Variants in NINJ2 observed in about 807,000 individuals in gnomAD.
NINJ2 encodes the protein ninjurin 2, also known as ninjurin-2.
NINJ2 carries 12 observed loss-of-function variants against 11.7 expected under a neutral mutation model. That is an observed-to-expected ratio of 1.02 (90% CI 0.66 to 1.66). The LOEUF (loss-of-function observed/expected upper bound fraction) is 1.66, where lower values mean the gene tolerates loss of function less well. NINJ2 is among the 40% of genes most tolerant of loss of function. The pLI is 0.00. For missense variants in NINJ2, 187 were observed against 181.8 expected, an observed-to-expected ratio of 1.03 and a Z score of -0.16; for synonymous variants, 93 against 76.8, an observed-to-expected ratio of 1.21 and a Z score of -1.10.
intron 1 of NINJ2, among the ~76,000 whole-genome samples, chr12:588,256 C>T (rs532597854): frequency 4.7e-5 from 7 of 150,096 alleles, no homozygotes; most frequent in Non-Finnish European, 7.4e-5. Flanking sequence ...GAGGAGGAGA[C>T]ATCTTGCAAA....
At chr12:608,562 A>G (rs1009471206) in intron 1 of NINJ2, among the ~76,000 whole-genome samples, 2 of 152,186 alleles carry the variant, frequency 1.3e-5, no homozygotes, top group Non-Finnish European at 2.9e-5. Context: ...TGGGAGTCAA[A>G]CCCAGGCAAT....
intron 1 of NINJ2, among the ~76,000 whole-genome samples, chr12:656,936 C>A (rs1240836272): frequency 6.6e-6 from 1 of 152,018 alleles, no homozygotes; most frequent in Admixed American, 6.6e-5. Flanking sequence ...CCAGAATAAC[C>A]GGGCATCCAC....
chr12:565,931 T>A lies in NINJ2; in HGVS notation c.262+19A>T, dbSNP rs770677125. 3 of 1,610,008 alleles carry A rather than the reference T, an allele frequency of 1.9e-6. No individual in the cohort carries two copies. The Admixed American group carries it at 5.0e-5, about 27-fold the overall frequency. ...CGGGTGCCGAGGCAGAAGGTCTGAC[T>A]GCAGGCTGGGCTCCTCACCAATGAC... is the stretch of plus-strand genomic sequence containing the variant. On this transcript the variant is annotated intron_variant, in intron 2 of 3. Transcript: ENST00000305108.
intron 1 of NINJ2, among the ~76,000 whole-genome samples, chr12:657,557 C>G (rs894487195): frequency 6.6e-6 from 1 of 152,052 alleles, no homozygotes; most frequent in Non-Finnish European, 1.5e-5. Flanking sequence ...CCACTGCACT[C>G]CAGCCTGGAA....
chr12:612,770 C>T (rs1948049130), intron 1 of NINJ2, among the ~76,000 whole-genome samples: 1 of 152,208 alleles, frequency 6.6e-6, no homozygotes, highest in Non-Finnish European at 1.5e-5. Flanking sequence ...GCCTGAGTCT[C>T]TTCTGATCCT....
chr12:649,254 C>T (rs1262741561), intron 1 of NINJ2, among the ~76,000 whole-genome samples: 2 of 151,924 alleles, frequency 1.3e-5, no homozygotes, highest in Non-Finnish European at 1.5e-5. Context: ...GCCATGTTGG[C>T]CAGACTGGTC....
intron 1 of NINJ2, among the ~76,000 whole-genome samples, chr12:583,708 A>G (rs1189594014): frequency 6.6e-6 from 1 of 152,196 alleles, no homozygotes; most frequent in African/African-American, 2.4e-5. Context: ...TTCCACAGCC[A>G]TGAAATGGAG....
At chr12:635,984 G>A (rs2120457514) in intron 1 of NINJ2, among the ~76,000 whole-genome samples, 1 of 152,350 alleles carries the variant, frequency 6.6e-6, no homozygotes, top group African/African-American at 2.4e-5. Context: ...GGCTGAGGCA[G>A]GAGAATCGCT....
At chr12:601,987 TCC>T (rs1305495938) in intron 1 of NINJ2, among the ~76,000 whole-genome samples, 2 of 152,218 alleles carry the variant, frequency 1.3e-5, no homozygotes, top group Non-Finnish European at 2.9e-5. Flanking sequence ...GGTACTGACA[TCC>T]CCAGATGAAG....
chr12:595,845 C>T (rs925476248), intron 1 of NINJ2, among the ~76,000 whole-genome samples: 6 of 152,060 alleles, frequency 3.9e-5, no homozygotes, highest in Non-Finnish European at 7.4e-5. Context: ...GAATATGAAC[C>T]TGATTTGAAA....
chr12:597,890 G>T (rs1947810664), intron 1 of NINJ2, among the ~76,000 whole-genome samples: 1 of 152,276 alleles, frequency 6.6e-6, no homozygotes, highest in African/African-American at 2.4e-5. Context: ...AGGCCAGAGG[G>T]CCCAGAGGCC....
intron 1 of NINJ2, chr12:643,587 G>C (rs1937627144): frequency 1.0e-6 from 1 of 987,970 alleles, no homozygotes; most frequent in Non-Finnish European, 1.2e-6. Context: ...AGGAAACCGA[G>C]GCTCGGAGAG....
intron 1 of NINJ2, among the ~76,000 whole-genome samples, chr12:630,204 G>A (rs1948262426): frequency 6.6e-6 from 1 of 151,750 alleles, no homozygotes; most frequent in Non-Finnish European, 1.5e-5. Context: ...CTGCCTTTGA[G>A]GCAAATTTTT....
intron 1 of NINJ2, among the ~76,000 whole-genome samples, chr12:622,772 A>G (rs900537710): frequency 2.0e-5 from 3 of 151,934 alleles, no homozygotes; most frequent in Non-Finnish European, 2.9e-5. Context: ...TCACACACGG[A>G]TAGCTTTTCT....
chr12:592,915 T>C (rs929075638), intron 1 of NINJ2, among the ~76,000 whole-genome samples: 3 of 152,056 alleles, frequency 2.0e-5, no homozygotes, highest in Non-Finnish European at 4.4e-5. Context: ...AAAATTAAGA[T>C]AATTACAGAA....
At chr12:650,425 C>A (rs983772731) in intron 1 of NINJ2, among the ~76,000 whole-genome samples, 2 of 152,170 alleles carry the variant, frequency 1.3e-5, no homozygotes, top group African/African-American at 4.8e-5. Context: ...CTTGGCCAGG[C>A]GCGGTGGCTC....
intron 1 of NINJ2, among the ~76,000 whole-genome samples, chr12:609,194 G>T (rs1309083507): frequency 8.3e-6 from 1 of 120,402 alleles, no homozygotes; most frequent in South Asian, 2.6e-4. Context: ...GGTGCTGAAC[G>T]CACACGCACG....
intron 1 of NINJ2, among the ~76,000 whole-genome samples, chr12:600,282 G>A (rs1189104173): frequency 2.0e-5 from 3 of 152,142 alleles, no homozygotes; most frequent in Admixed American, 6.5e-5. Context: ...GGCCAGGTGC[G>A]GTGGCTTAGG....
At chr12:594,339 T>A (rs1947755603) in intron 1 of NINJ2, among the ~76,000 whole-genome samples, 1 of 152,238 alleles carries the variant, frequency 6.6e-6, no homozygotes, top group Admixed American at 6.5e-5. Flanking sequence ...AAATACACAA[T>A]GCCATTACAT....
Sources: gnomAD v4.1 joint callset for allele counts (sites outside exome capture counted in the v4.1 genomes callset) on GRCh38, gnomAD v4.1.1 for gene constraint, MANE v1.5 for transcripts, NCBI Gene and HGNC (gene_info 2026-07-23, HGNC 2026-07-21) for gene names.